HECTD4: variants seen among roughly 807,000 people sequenced by gnomAD.
HECTD4 encodes probable E3 ubiquitin-protein ligase HECTD4.
In HECTD4, 114 loss-of-function variants were observed where a neutral mutation model predicts 471.5. The ratio of observed to expected loss-of-function variants is 0.24; its 90% CI spans 0.21 to 0.28. The LOEUF is 0.28. HECTD4 is among the 10% of genes least tolerant of loss of function. The probability of loss-of-function intolerance (pLI) is 1.00; values close to 1 mark genes in which losing one functional copy is unlikely to be tolerated. For synonymous variants in HECTD4, 2,012 were observed against 2,256.0 expected, an observed-to-expected ratio of 0.89 and a Z score of 3.07; for missense variants, 3,866 against 5,651.5, an observed-to-expected ratio of 0.68 and a Z score of 10.13.
chr12:112,239,202 C>A lies in HECTD4; in HGVS notation c.5140G>T (p.Val1714Leu), dbSNP rs773499503. The change falls in exon 34 of 76, where the codon GTG (valine) becomes TTG (leucine). Residue 1714 changes from valine (V) to leucine (L), a missense_variant. Val to Leu is a conservative substitution (Grantham distance 32). Coordinates refer to ENST00000682272, the MANE Select transcript of HECTD4 (RefSeq NM_001388303.1). The surrounding 1 kb of genome is among the most constrained non-coding windows in gnomAD (Gnocchi z 4.9). ...CTACACAGTCGATCCATGAGCTGCA[C>A]AAGGCCACTGCGTACCAGGCACTTC... ...EEKCLVRSGL[V>L]QLMDRLCSLS... The A allele has an allele frequency of 5.6e-6, 9 of 1,613,524 alleles. No individual in the cohort carries two copies. The Admixed American group carries it at 1.5e-4, about 27-fold the overall frequency.
At chr12:112,372,478 G>C (rs2036698747) in intron 1 of HECTD4, among the ~76,000 whole-genome samples, 1 of 144,964 alleles carries the variant, frequency 6.9e-6, no homozygotes, top group African/African-American at 2.6e-5. Context: ...AGCGAAGATG[G>C]TCTCGATCTC....
intron 1 of HECTD4, among the ~76,000 whole-genome samples, chr12:112,347,448 T>G (rs1362306850): frequency 6.6e-6 from 1 of 152,128 alleles, no homozygotes; most frequent in Admixed American, 6.5e-5. Flanking sequence ...AGGCAGTGGT[T>G]GCAGTGAGCC....
At chr12:112,207,392 C>T (rs887432179) in intron 52 of HECTD4, among the ~76,000 whole-genome samples, 1 of 150,288 alleles carries the variant, frequency 6.7e-6, no homozygotes, top group African/African-American at 2.5e-5. Flanking sequence ...ATCCACCCAC[C>T]TCAGCCTCCT....
In HECTD4 at chr12:112,230,731, G is replaced by A; in HGVS notation, c.6292C>T (p.Pro2098Ser). 1 of 1,611,128 alleles carries A rather than the reference G, an allele frequency of 6.2e-7. No homozygotes were observed. The highest frequency in any genetic ancestry group is 8.5e-7 in the Non-Finnish European group (1 of 1,178,694). The part of the protein sequence containing the change: ...IALLHSLLMA[P>S]ESNAAQIWTT... ...CATATTTGAGCAGCATTTGATTCAG[G>A]TGCCATGAGCAAGCTATGTAGCAAG... is the stretch of plus-strand genomic sequence containing the variant. The change falls in exon 40 of 76, where the codon CCT (proline) becomes TCT (serine). Residue 2098 changes from proline to serine, a missense_variant. By Grantham distance (74) the Pro-to-Ser change is moderately conservative. Transcript: ENST00000682272.
At chr12:112,208,182 T>C (rs572660929) in intron 51 of HECTD4, among the ~76,000 whole-genome samples, 182 bp from the exon 52 acceptor site, 1 of 152,254 alleles carries the variant, frequency 6.6e-6, no homozygotes, top group South Asian at 2.1e-4. Flanking sequence ...ACAGCAACAC[T>C]AGGGCAAGCT....
chr12:112,276,360 G>A (rs896928978), intron 9 of HECTD4, among the ~76,000 whole-genome samples: 1 of 151,976 alleles, frequency 6.6e-6, no homozygotes, highest in African/African-American at 2.4e-5. Flanking sequence ...AAGACTAATG[G>A]TCATAATATG....
chr12:112,340,879 C>T (rs2036042338), intron 1 of HECTD4, among the ~76,000 whole-genome samples: 1 of 152,154 alleles, frequency 6.6e-6, no homozygotes, highest in African/African-American at 2.4e-5. Context: ...AGACTGCATG[C>T]TCAAGGGTGG....
At chr12:112,196,796 CTCTTT>C (rs1444668141) in intron 55 of HECTD4, among the ~76,000 whole-genome samples, 1 of 152,020 alleles carries the variant, frequency 6.6e-6, no homozygotes, top group African/African-American at 2.4e-5. Context: ...CTCTCTCTCT[CTCTTT>C]TTTTTGTTTT....
intron 7 of HECTD4, among the ~76,000 whole-genome samples, chr12:112,295,837 A>ACC (rs1466591974): frequency 2.3e-4 from 35 of 148,988 alleles, no homozygotes; most frequent in African/African-American, 7.7e-4. Context: ...ACACACACAC[A>ACC]CACACATAGT....
At chr12:112,204,700 G>A in intron 52 of HECTD4, 77 bp from the exon 53 acceptor site, 1 of 1,135,698 alleles carries the variant, frequency 8.8e-7, no homozygotes, top group Non-Finnish European at 1.3e-6. Context: ...TACATGTAGA[G>A]TGAAATGATA....
chr12:112,279,782 T>C (rs570268844), intron 8 of HECTD4, among the ~76,000 whole-genome samples: 1 of 152,360 alleles, frequency 6.6e-6, no homozygotes, highest in East Asian at 1.9e-4. Context: ...CTGAAATGCC[T>C]GGGACCAGAA....
rs369872857 is a variant in HECTD4 at position 112,204,583 on chromosome 12, G to A, written c.8172C>T (p.Tyr2724=). 11 of 1,613,186 alleles carry A rather than the reference G, an allele frequency of 6.8e-6. No homozygotes were observed. The highest frequency in any genetic ancestry group is 1.7e-4 in the Middle Eastern group (1 of 6,060). ...CTCTTGGGATGCCACCATTCTCTTCGTAGAGAAATTCAACCGTCTGTCGGG... is the reference window on the plus strand; with the variant it reads ...CTCTTGGGATGCCACCATTCTCTTCATAGAGAAATTCAACCGTCTGTCGGG... ...DIARQTVEFL[Y]EENGGIPRDL... The change falls in exon 53 of 76, where the codon TAC becomes TAT. Residue 2724 remains tyrosine, a synonymous_variant. Transcript: ENST00000682272.
intron 1 of HECTD4, among the ~76,000 whole-genome samples, chr12:112,357,297 C>T (rs1418261693): frequency 6.6e-6 from 1 of 152,074 alleles, no homozygotes; most frequent in Non-Finnish European, 1.5e-5. Flanking sequence ...GGAATAAGCT[C>T]AGAGAAGAGA....
intron 37 of HECTD4, among the ~76,000 whole-genome samples, chr12:112,234,004 C>T (rs1299033355): frequency 6.6e-6 from 1 of 151,822 alleles, no homozygotes; most frequent in Admixed American, 6.6e-5. Flanking sequence ...GTTTTTATTC[C>T]TTTCCTTTAA....
At chr12:112,229,026 T>C (rs903412006) in intron 41 of HECTD4, among the ~76,000 whole-genome samples, 1 of 152,158 alleles carries the variant, frequency 6.6e-6, no homozygotes, top group African/African-American at 2.4e-5. Context: ...TCATCTCAAA[T>C]AGAAACTCGT....
chr12:112,223,808 C>T lies in HECTD4; in HGVS notation c.6970+2835G>A, dbSNP rs115834382. 6.2e-3 allele frequency among the ~76,000 whole-genome samples: 948 copies of T among 152,208 alleles called. 18 individuals carry two copies. Among genetic ancestry groups the T allele is most frequent in the African/African-American group, 0.021 (866 of 41,536 alleles). ...TGGTACTGTCTTCTTTAGATAGAGA[C>T]GCTATAAAATTTGGCTATCAGTGAG... On this transcript the variant is annotated intron_variant, in intron 44 of 75. Coordinates refer to ENST00000682272, the MANE Select transcript of HECTD4 (RefSeq NM_001388303.1).
Position 112,210,024 on chromosome 12 carries a change from C to T in HECTD4, c.7858G>A (p.Ala2620Thr), listed in dbSNP as rs376551438. 90 of 1,612,240 alleles carry T rather than the reference C, an allele frequency of 5.6e-5. No homozygotes were observed. Among genetic ancestry groups the T allele is most frequent in the Non-Finnish European group, 7.1e-5 (84 of 1,178,916 alleles). ...PPCRIAAVAT[A>T]QQQYDSDTSC... ...CCAGGAGGTGACTTACGTTGCTGAG[C>T]GGTGGCCACGGCAGCAATCCGGCAT... The change falls in exon 50 of 76, where the codon GCT becomes ACT. Residue 2620 changes from alanine to threonine, a missense_variant. Ala to Thr is a moderately conservative substitution (Grantham distance 58). Around this residue, in one of 16 missense-constraint regions of HECTD4, gnomAD observed 266 missense variants for 441.6 expected, o/e 0.60. Transcript: ENST00000682272.
chr12:112,296,758 A>ATGTAGGTGCAGATGG, intron 7 of HECTD4, among the ~76,000 whole-genome samples: 1 of 137,912 alleles, frequency 7.3e-6, no homozygotes, highest in Non-Finnish European at 1.6e-5. Context: ...GATGCAGTGG[A>ATGTAGGTGCAGATGG]TGTAGGTGCA....
chr12:112,365,840 C>T (rs1231941621), intron 1 of HECTD4, among the ~76,000 whole-genome samples: 2 of 145,060 alleles, frequency 1.4e-5, no homozygotes, highest in Non-Finnish European at 3.0e-5. Context: ...GGAGCGATCT[C>T]GGCTGATTCA....
Sources: allele counts gnomAD v4.1 joint callset (sites outside exome capture counted in the v4.1 genomes callset), GRCh38; gene constraint gnomAD v4.1.1; regional missense constraint gnomAD v4.1.1; non-coding constraint Gnocchi (gnomAD v3.1); transcripts MANE v1.5; gene names NCBI Gene and HGNC (gene_info 2026-07-23, HGNC 2026-07-21).